GRB2: variants seen among roughly 807,000 people sequenced by gnomAD.
GRB2 encodes the protein growth factor receptor-bound protein 2.
A neutral mutation model predicts 27.4 loss-of-function variants in GRB2; 2 were observed. The ratio of observed to expected loss-of-function variants is 0.07; its 90% CI spans 0.03 to 0.23. GRB2 has a LOEUF of 0.23. GRB2 is among the 10% of genes least tolerant of loss of function. The pLI is 1.00. For synonymous variants in GRB2, 94 were observed against 99.6 expected (o/e 0.94, Z 0.33); for missense variants, 102 against 282.4 (o/e 0.36, Z 4.58).
intron 2 of GRB2, among the ~76,000 whole-genome samples, chr17:75,342,335 A>G (rs1245004465): frequency 2.0e-5 from 3 of 152,130 alleles, no homozygotes; most frequent in Non-Finnish European, 4.4e-5. Flanking sequence ...ATTTTGGGGA[A>G]CTGACTTATA....
chr17:75,320,910 G>T lies in GRB2; in HGVS notation c.469-357C>A, dbSNP rs1052659661. Reference sequence around the variant, plus strand: ...GCCCAGAATCGCAAATCCCTTCTACGACACCCTTAAGGTATTAAAGCCTAA... The same window carrying T: ...GCCCAGAATCGCAAATCCCTTCTACTACACCCTTAAGGTATTAAAGCCTAA... On this transcript the variant is annotated intron_variant, in intron 5 of 5. Coordinates refer to ENST00000316804, the MANE Select transcript of GRB2 (RefSeq NM_002086.5). The surrounding 1 kb of genome is among the most constrained non-coding windows in gnomAD (Gnocchi z 4.3). Among the ~76,000 whole-genome samples the T allele has an allele frequency of 6.6e-6, 1 of 152,048 alleles. No individual in the cohort carries two copies. Among genetic ancestry groups the T allele is most frequent in the African/African-American group, 2.4e-5 (1 of 41,384 alleles).
chr17:75,362,493 T>C (rs2078789993), intron 2 of GRB2, among the ~76,000 whole-genome samples: 1 of 152,200 alleles, frequency 6.6e-6, no homozygotes, highest in African/African-American at 2.4e-5. Context: ...ATTAACAAGT[T>C]GGGAGCCAAA....
intron 2 of GRB2, among the ~76,000 whole-genome samples, chr17:75,352,162 C>A (rs1222684710): frequency 6.6e-6 from 1 of 152,212 alleles, no homozygotes; most frequent in Non-Finnish European, 1.5e-5. Flanking sequence ...GGCAGCTACA[C>A]AGCTCAGGAG....
Position 75,321,638 on chromosome 17 carries a change from T to C in GRB2, c.468+21A>G, listed in dbSNP as rs748663678. 4.3e-6 allele frequency: 7 copies of C among 1,611,772 alleles called. No individual in the cohort carries two copies. The East Asian group carries it at 1.6e-4, about 36-fold the overall frequency. ...CTATTCTTAACTAAAAATGATCCCA[T>C]CTCACCCTGATGAGGCTTACCTGTG... On this transcript the variant is annotated intron_variant, in intron 5 of 5. Coordinates refer to ENST00000316804, the MANE Select transcript of GRB2 (RefSeq NM_002086.5).
At chr17:75,342,251 C>T (rs1055832302) in intron 2 of GRB2, among the ~76,000 whole-genome samples, 1 of 152,110 alleles carries the variant, frequency 6.6e-6, no homozygotes, top group South Asian at 2.1e-4. Context: ...CAAACTAACC[C>T]GCAAGCAATG....
chr17:75,322,044 G>T (rs1385273183), intron 4 of GRB2, among the ~76,000 whole-genome samples: 1 of 152,124 alleles, frequency 6.6e-6, no homozygotes, highest in Non-Finnish European at 1.5e-5. Flanking sequence ...AGAGGGACAG[G>T]CCATCAGTCA....
intron 2 of GRB2, chr17:75,339,014 C>T: frequency 7.9e-7 from 1 of 1,260,424 alleles, no homozygotes; most frequent in African/African-American, 1.5e-5. Flanking sequence ...GCTGAAACCA[C>T]AAAGAAGACT....
At chr17:75,322,790 G>A (rs2078469281) in intron 4 of GRB2, among the ~76,000 whole-genome samples, 1 of 149,112 alleles carries the variant, frequency 6.7e-6, no homozygotes, top group Non-Finnish European at 1.5e-5. Flanking sequence ...CCTAGCGAGG[G>A]CGCTTCTGCC....
At chr17:75,397,603 G>C (rs1467828033) in intron 1 of GRB2, among the ~76,000 whole-genome samples, 1 of 152,060 alleles carries the variant, frequency 6.6e-6, no homozygotes, top group African/African-American at 2.4e-5. Flanking sequence ...CAACAGTCCA[G>C]TATAGCTTAG....
chr17:75,374,644 G>C (rs116473337), intron 2 of GRB2, among the ~76,000 whole-genome samples: 1 of 151,642 alleles, frequency 6.6e-6, no homozygotes, highest in African/African-American at 2.4e-5. Context: ...CACTCTAGCC[G>C]AGTGTGGTGG....
intron 2 of GRB2, among the ~76,000 whole-genome samples, chr17:75,348,900 T>A (rs2078671142): frequency 6.6e-6 from 1 of 152,118 alleles, no homozygotes; most frequent in Non-Finnish European, 1.5e-5. Flanking sequence ...GGTTTCGAAC[T>A]CCTGAGTTCA....
chr17:75,354,791 G>A (rs1204655423), intron 2 of GRB2, among the ~76,000 whole-genome samples: 1 of 152,142 alleles, frequency 6.6e-6, no homozygotes, highest in Non-Finnish European at 1.5e-5. Flanking sequence ...TTTTTAAAAA[G>A]GAAAAACTTA....
intron 2 of GRB2, among the ~76,000 whole-genome samples, chr17:75,385,078 A>AAC (rs1393285706): frequency 6.7e-6 from 1 of 149,770 alleles, no homozygotes; most frequent in South Asian, 2.1e-4. Context: ...CAAACAAACA[A>AAC]AAAAACCCTT....
Position 75,324,507 on chromosome 17 carries a change from G to GTTT in GRB2, c.299+1388_299+1390dup, listed in dbSNP as rs767194304. Among the ~76,000 whole-genome samples, 17 of 36,702 alleles carry GTTT rather than the reference G, an allele frequency of 4.6e-4. 2 individuals carry two copies. The highest frequency in any genetic ancestry group is 1.4e-3 in the African/African-American group (17 of 12,196). The allele number at this position is 36,702 out of a possible 152,430, so 24.1% of individuals were successfully genotyped here. On this transcript the variant is annotated intron_variant, in intron 4 of 5. Coordinates refer to ENST00000316804, the MANE Select transcript of GRB2 (RefSeq NM_002086.5). Reference sequence around the variant, plus strand: ...TTACAGGTGTGAGCCACCGCACCCAGTTTTTTTTTTTTTTTTTTTTTTTTT... The same window carrying GTTT: ...TTACAGGTGTGAGCCACCGCACCCAGTTTTTTTTTTTTTTTTTTTTTTTTTTTT...
At chr17:75,337,595 G>C (rs978613768) in intron 2 of GRB2, among the ~76,000 whole-genome samples, 41 of 146,868 alleles carry the variant, frequency 2.8e-4, no homozygotes, top group Non-Finnish European at 9.0e-5. Flanking sequence ...TTTTGAGATG[G>C]AGTCTCGCTC....
At chr17:75,383,924 T>C (rs1567873943) in intron 2 of GRB2, among the ~76,000 whole-genome samples, 1 of 152,092 alleles carries the variant, frequency 6.6e-6, no homozygotes, top group Non-Finnish European at 1.5e-5. Flanking sequence ...CCCAGGAAGG[T>C]AGGAAACTAT....
chr17:75,399,675 T>TTTAATCAACAA (rs1297449637), intron 1 of GRB2, among the ~76,000 whole-genome samples: 2 of 115,618 alleles, frequency 1.7e-5, no homozygotes, highest in Non-Finnish European at 4.3e-5. Flanking sequence ...CCAACAATTA[T>TTTAATCAACAA]TTATTTATTT....
chr17:75,364,878 G>T lies in GRB2; in HGVS notation c.78+28673C>A, dbSNP rs1278459464. Among the ~76,000 whole-genome samples, 6 of 151,692 alleles carry T rather than the reference G, an allele frequency of 4.0e-5. No individual in the cohort carries two copies. The East Asian group carries it at 1.2e-3, about 29-fold the overall frequency. On this transcript the variant is annotated intron_variant, in intron 2 of 5. Coordinates refer to ENST00000316804, the MANE Select transcript of GRB2 (RefSeq NM_002086.5). ...AAGCAGAAAAAGGCAGTGTTTTGAG[G>T]TCCATTTAGGAAAAAAATCTACTAA...
intron 2 of GRB2, among the ~76,000 whole-genome samples, chr17:75,333,284 C>T (rs1434106880): frequency 6.6e-6 from 1 of 152,126 alleles, no homozygotes; most frequent in Non-Finnish European, 1.5e-5. Context: ...CCATGTTGGC[C>T]AGGCTGGTCT....
Sources: gnomAD v4.1 joint callset for allele counts (sites outside exome capture counted in the v4.1 genomes callset) on GRCh38, gnomAD v4.1.1 for gene constraint, Gnocchi (gnomAD v3.1) non-coding constraint, MANE v1.5 for transcripts, NCBI Gene and HGNC (gene_info 2026-07-23, HGNC 2026-07-21) for gene names.